TTK: variants seen among roughly 807,000 people sequenced by gnomAD.
TTK encodes the protein dual specificity protein kinase TTK.
In TTK, 59 loss-of-function variants were observed where a neutral mutation model predicts 117.3. That is an observed-to-expected ratio of 0.50 (90% CI 0.41 to 0.62). TTK has a LOEUF of 0.62. TTK is among the 20% of genes least tolerant of loss of function. TTK has a pLI of 0.00. For missense variants in TTK, 921 were observed against 989.4 expected, an observed-to-expected ratio of 0.93 and a Z score of 0.93; for synonymous variants, 302 against 325.0, an observed-to-expected ratio of 0.93 and a Z score of 0.76.
chr6:80,034,546 T>A (rs1767843778), intron 14 of TTK, among the ~76,000 whole-genome samples: 1 of 152,184 alleles, frequency 6.6e-6, no homozygotes, highest in Admixed American at 6.6e-5. Context: ...GAGGCTGGAC[T>A]CAAACTGCTG....
At chr6:80,036,883 A>G (rs1249105052) in intron 17 of TTK, among the ~76,000 whole-genome samples, 1 of 152,110 alleles carries the variant, frequency 6.6e-6, no homozygotes, top group Non-Finnish European at 1.5e-5. Flanking sequence ...GTGATCAAAA[A>G]TTGACCTGAA....
intron 10 of TTK, among the ~76,000 whole-genome samples, chr6:80,015,922 G>C (rs1328060632): frequency 6.6e-6 from 1 of 151,986 alleles, no homozygotes; most frequent in East Asian, 1.9e-4. Flanking sequence ...TAACCTCCTT[G>C]ATCCTCCTCC....
At chr6:80,013,539 A>G (rs760777291) in intron 9 of TTK, 173 bp downstream of exon 9, 2 of 500,844 alleles carry the variant, frequency 4.0e-6, no homozygotes, top group East Asian at 3.7e-5. Context: ...CAGAAGTCCT[A>G]GACTATGTTT....
At chr6:80,011,012 A>C in intron 5 of TTK, 55 bp downstream of exon 5, 1 of 1,509,468 alleles carries the variant, frequency 6.6e-7, no homozygotes, top group Non-Finnish European at 8.9e-7. Context: ...TCAAATAAAG[A>C]TTCGGGATAA....
rs764389041 is a variant in TTK, at chr6:80,042,143, G to A, written c.2515G>A (p.Gly839Ser). 31 of 1,600,554 alleles carry A rather than the reference G, an allele frequency of 1.9e-5. No homozygotes were observed. Among genetic ancestry groups the A allele is most frequent in the Non-Finnish European group, 2.6e-5 (30 of 1,172,666 alleles). ...AKTLYEHYSG[G>S]ESHNSSSSKT... is the part of the protein sequence containing the mutation. ...GACTTTATATGAACACTATAGTGGT[G>A]GTGAAAGTCATAATTCTTCATCCTC... The change falls in exon 22 of 22, where the codon GGT (glycine) becomes AGT (serine). Residue 839 changes from glycine (G) to serine (S), a missense_variant. Transcript: ENST00000369798.
intron 17 of TTK, 36 bp from the exon 18 acceptor site, chr6:80,037,931 T>G (rs762709816): frequency 7.4e-7 from 1 of 1,347,196 alleles, no homozygotes; most frequent in South Asian, 1.7e-5. Flanking sequence ...ATTAAATATT[T>G]TCATTGATTT....
intron 10 of TTK, 25 bp from the exon 11 acceptor site, chr6:80,022,299 T>G: frequency 6.2e-7 from 1 of 1,601,584 alleles, no homozygotes; most frequent in Non-Finnish European, 8.5e-7. Context: ...TTCTTGCTTT[T>G]TAATGACAAC....
chr6:80,038,753 T>C (rs1767971768), intron 18 of TTK, among the ~76,000 whole-genome samples: 2 of 152,160 alleles, frequency 1.3e-5, no homozygotes, highest in Admixed American at 1.3e-4. Flanking sequence ...CATAAAATTC[T>C]TTTTATATTT....
chr6:80,020,889 G>A (rs1274086781), intron 10 of TTK, among the ~76,000 whole-genome samples: 3 of 152,164 alleles, frequency 2.0e-5, no homozygotes, highest in African/African-American at 7.2e-5. Context: ...AAATACAGGC[G>A]GATCCAATGC....
chr6:80,012,052 TTTTACTGAG>T lies in TTK; in HGVS notation c.896+74_896+82del, dbSNP rs1767174702. 1.5e-5 allele frequency: 18 copies of T among 1,170,590 alleles called. No individual in the cohort carries two copies. In the African/African-American group the frequency reaches 2.6e-4, roughly 17 times the overall value. 72.5% of individuals were successfully genotyped at this position (1,170,590 alleles called of 1,614,324 possible). A position where few individuals can be genotyped will look rare whatever the true frequency, so the allele number is the denominator to read the frequency against. ...TTAATGGCAGAATGGTCTTAAAGTC[TTTTACTGAG>T]TAATAGTAATTATGATTAAATTTTT... On this transcript the variant is annotated intron_variant, in intron 8 of 21. Transcript: ENST00000369798.
chr6:80,007,864 G>A lies in TTK; in HGVS notation c.195G>A (p.Trp65Ter). 6.2e-7 allele frequency: 1 copy of A among 1,613,378 alleles called. No individual in the cohort carries two copies. The part of the protein sequence containing the change: ...IMMMANNPED[W>*]LSLLLKLEKN... ...TGATGGCAAACAACCCAGAGGACTGGTTGAGTTTGTTGCTCAAACTAGAGA... is the reference window on the plus strand; with the variant it reads ...TGATGGCAAACAACCCAGAGGACTGATTGAGTTTGTTGCTCAAACTAGAGA... Residue 65 changes from tryptophan to a stop codon, truncating the protein, a stop_gained, in exon 3 of 22, where the codon TGG (tryptophan) becomes TGA (stop). Transcript: ENST00000369798. LOFTEE classifies it high-confidence loss of function.
intron 14 of TTK, 111 bp from the exon 15 acceptor site, chr6:80,034,874 G>A: frequency 3.2e-6 from 3 of 936,056 alleles, no homozygotes; most frequent in East Asian, 3.1e-5. Context: ...TAATGTTCAT[G>A]TCAGTATTTC....
At chr6:80,013,624 T>C (rs1044561633) in intron 9 of TTK, 1 of 255,426 alleles carries the variant, frequency 3.9e-6, no homozygotes, top group African/African-American at 2.2e-5. Context: ...ATTATGCACG[T>C]GTTTAAGCAG....
intron 10 of TTK, among the ~76,000 whole-genome samples, chr6:80,020,586 C>G (rs1385946042): frequency 6.6e-6 from 1 of 152,006 alleles, no homozygotes; most frequent in Non-Finnish European, 1.5e-5. Flanking sequence ...TGGAATTTGC[C>G]CATAGTTTTA....
chr6:80,034,996 G>A lies in TTK; in HGVS notation c.1626G>A (p.Val542=). The A allele has an allele frequency of 6.4e-7, 1 of 1,565,564 alleles. No individual in the cohort carries two copies. The highest frequency in any genetic ancestry group is 1.2e-5 in the South Asian group (1 of 81,292). ...GSGGSSKVFQ[V]LNEKKQIYAI... ...GTTCTACTCTGTAGGTATTTCAGGT[G>A]TTAAATGAAAAGAAACAGATATATG... The change falls in exon 15 of 22, where the codon GTG becomes GTA. Residue 542 remains valine, a synonymous_variant. Coordinates refer to ENST00000369798, the MANE Select transcript of TTK (RefSeq NM_003318.5).
In TTK at chr6:80,036,543, T is replaced by C; in HGVS notation, c.1993T>C (p.Phe665Leu). ...IVDGMLKLID[F>L]GIANQMQPDT... ...TGATGGAATGCTAAAGCTAATTGAT[T>C]TTGGGATTGCAAACCAAATGCAACC... Residue 665 changes from phenylalanine (F) to leucine (L), a missense_variant, in exon 17 of 22, where the codon TTT becomes CTT. Transcript: ENST00000369798. 6.2e-7 allele frequency: 1 copy of C among 1,611,920 alleles called. No homozygotes were observed. Among genetic ancestry groups the C allele is most frequent in the Non-Finnish European group, 8.5e-7 (1 of 1,178,900 alleles).
chr6:80,015,650 C>T (rs1767287455), intron 10 of TTK, among the ~76,000 whole-genome samples: 1 of 152,124 alleles, frequency 6.6e-6, no homozygotes, highest in Non-Finnish European at 1.5e-5. Flanking sequence ...TTCATATTTT[C>T]TTGGCATCTA....
In TTK at chr6:80,006,141, A is replaced by G. The variant is rs1170190179; in HGVS notation, c.139+159A>G. On this transcript the variant is annotated intron_variant, in intron 2 of 21. Transcript: ENST00000369798. ...CATGATGGCAGGGTTTTTGTCTGTT[A>G]TATCCACAGAACTTTGAATGGTGTC... 5.5e-6 allele frequency: 5 copies of G among 902,862 alleles called. No homozygotes were observed. In the Admixed American group the frequency reaches 1.0e-4, roughly 19 times the overall value. 55.9% of individuals were successfully genotyped at this position (902,862 alleles called of 1,614,324 possible).
intron 5 of TTK, 32 bp downstream of exon 5, chr6:80,010,989 G>T: frequency 6.3e-7 from 1 of 1,579,504 alleles, no homozygotes; most frequent in East Asian, 2.2e-5. Flanking sequence ...TACTTTCTGT[G>T]GTAGGTAGTA....
Sources: gnomAD v4.1 joint callset for allele counts (sites outside exome capture counted in the v4.1 genomes callset) on GRCh38, gnomAD v4.1.1 for gene constraint, MANE v1.5 for transcripts, NCBI Gene and HGNC (gene_info 2026-07-23, HGNC 2026-07-21) for gene names.